Variants in SYNE2 observed in about 807,000 individuals in gnomAD.
The protein encoded by SYNE2 is spectrin repeat containing nuclear envelope protein 2.
A neutral mutation model predicts 856.3 loss-of-function variants in SYNE2; 431 were observed. The observed-to-expected ratio is 0.50, with a 90% CI of 0.47 to 0.55. The LOEUF (loss-of-function observed/expected upper bound fraction) is 0.55. SYNE2 is among the 20% of genes least tolerant of loss of function. The pLI, the probability that SYNE2 is intolerant of heterozygous loss-of-function variation, is 0.00. For synonymous variants in SYNE2, 2,923 were observed against 2,872.3 expected (o/e 1.02, Z -0.56); for missense variants, 8,129 against 8,023.2 (o/e 1.01, Z -0.50).
In SYNE2 at chr14:64,049,845, G is replaced by A. The variant is rs1202980751; in HGVS notation, c.7612G>A (p.Ala2538Thr). The A allele has an allele frequency of 6.2e-7, 1 of 1,613,980 alleles. No homozygotes were observed. The highest frequency in any genetic ancestry group is 8.5e-7 in the Non-Finnish European group (1 of 1,179,998). Residue 2538 changes from alanine (A) to threonine (T), a missense_variant, in exon 47 of 116, where the codon GCC becomes ACC. Around this residue, in one of 3 missense-constraint regions of SYNE2, gnomAD observed 5,410 missense variants for 5,284.8 expected, o/e 1.02. Transcript: ENST00000555002. ...YLAAVESSMK[A>T]LLTDKESLKV... ...TGCTGCAGTTGAATCTTCAATGAAA[G>A]CCTTGTTGACAGACAAGGAAAGTCT...
intron 2 of SYNE2, among the ~76,000 whole-genome samples, chr14:63,912,010 C>T (rs563839631): frequency 1.3e-5 from 2 of 152,174 alleles, no homozygotes; most frequent in South Asian, 2.1e-4. Context: ...TTAGAGGAAT[C>T]GTGGTGCTGG....
chr14:63,955,919 T>C (rs1374997086), intron 8 of SYNE2, among the ~76,000 whole-genome samples: 1 of 152,234 alleles, frequency 6.6e-6, no homozygotes, highest in African/African-American at 2.4e-5. Flanking sequence ...TTTATGTTAA[T>C]AAGTAAGTGT....
chr14:64,053,006 T>A lies in SYNE2; in HGVS notation c.9093T>A (p.Leu3031=). 6.2e-7 allele frequency: 1 copy of A among 1,611,576 alleles called. No homozygotes were observed. Residue 3031 remains leucine (L), a synonymous_variant, in exon 48 of 116, where the codon CTT becomes CTA. Transcript: ENST00000555002. ...AAGTATTTGAAAAAGAAAAGGAACT[T>A]GAAGAAAAAATTAAGCAGTTGGACA... is the stretch of plus-strand genomic sequence containing the variant. ...QTQVFEKEKE[L]EEKIKQLDTF...
intron 1 of SYNE2, among the ~76,000 whole-genome samples, chr14:63,763,766 G>T (rs1329743325): frequency 1.3e-5 from 2 of 152,132 alleles, no homozygotes; most frequent in African/African-American, 4.8e-5. Flanking sequence ...CCAGGCTCAA[G>T]TAATTCTCCC....
intron 1 of SYNE2, among the ~76,000 whole-genome samples, chr14:63,814,555 A>T (rs1404342182): frequency 7.2e-6 from 1 of 139,412 alleles, no homozygotes; most frequent in African/African-American, 2.6e-5. Flanking sequence ...TATCCATTAT[A>T]TATAATATAT....
chr14:64,221,605 G>T lies in SYNE2; in HGVS notation c.20091G>T (p.Leu6697=), dbSNP rs776526339. The change falls in exon 112 of 116, where the codon CTG becomes CTT. Residue 6697 remains leucine (L), a synonymous_variant. Transcript: ENST00000555002. ...TCCACCAGTTGAGTCAAAATCTGCTGCTGTGGTTAGCGAGTGCCAAGAACC... is the reference window on the plus strand; with the variant it reads ...TCCACCAGTTGAGTCAAAATCTGCTTCTGTGGTTAGCGAGTGCCAAGAACC... ...QDFHQLSQNL[L]LWLASAKNRR... is the part of the protein sequence containing the mutation. The T allele has an allele frequency of 2.5e-6, 4 of 1,614,158 alleles. No homozygotes were observed. The South Asian group carries it at 3.3e-5, about 13-fold the overall frequency.
intron 30 of SYNE2, among the ~76,000 whole-genome samples, chr14:64,006,397 T>C (rs2153511797): frequency 6.6e-6 from 1 of 152,304 alleles, no homozygotes; most frequent in Admixed American, 6.5e-5. Flanking sequence ...TCCCCCTACA[T>C]AAGCACACGT....
chr14:64,031,718 T>C (rs745854330), intron 45 of SYNE2, among the ~76,000 whole-genome samples: 16 of 152,244 alleles, frequency 1.1e-4, no homozygotes, highest in Non-Finnish European at 2.1e-4. Context: ...TCCCAATTTT[T>C]GGGGGGTTGA....
chr14:63,950,351 C>T (rs1366124531), intron 7 of SYNE2, among the ~76,000 whole-genome samples: 2 of 151,924 alleles, frequency 1.3e-5, no homozygotes, highest in Non-Finnish European at 2.9e-5. Context: ...GTCAGGAGTT[C>T]GAGACCAGCC....
In SYNE2 at chr14:63,998,312, A is replaced by G. The variant is rs1236695717; in HGVS notation, c.3337A>G (p.Asn1113Asp). The stretch of plus-strand genomic sequence containing the variant: ...GGAAAAGGATTACAGTGCATCTATA[A>G]ATAGTTTACTAGAGAGGTAAACTCT... ...IMEKDYSASI[N>D]SLLERYDTYR... The change falls in exon 26 of 116, where the codon AAT becomes GAT. Residue 1113 changes from asparagine to aspartate, a missense_variant. By Grantham distance (23) the Asn-to-Asp change is conservative (BLOSUM62 1). This residue lies in a region of SYNE2 where 2,422 missense variants were observed against 2,357.4 expected (regional missense o/e 1.03). Transcript: ENST00000555002. 1 of 1,609,990 alleles carries G rather than the reference A, an allele frequency of 6.2e-7. No homozygotes were observed. The highest frequency in any genetic ancestry group is 8.5e-7 in the Non-Finnish European group (1 of 1,176,388).
At chr14:64,127,019 G>T (rs2097953190) in intron 73 of SYNE2, among the ~76,000 whole-genome samples, 1 of 152,174 alleles carries the variant, frequency 6.6e-6, no homozygotes, top group African/African-American at 2.4e-5. Context: ...AGCACTTTGG[G>T]AGAGGCCAAG....
intron 1 of SYNE2, among the ~76,000 whole-genome samples, chr14:63,774,948 ATTTAAT>A (rs1330191398): frequency 1.3e-5 from 2 of 151,966 alleles, no homozygotes; most frequent in African/African-American, 2.4e-5. Context: ...CAGTATTTTA[ATTTAAT>A]TTTATTTATT....
chr14:64,189,733 G>A (rs1023625127), intron 98 of SYNE2, among the ~76,000 whole-genome samples: 4 of 152,150 alleles, frequency 2.6e-5, no homozygotes, highest in Admixed American at 6.5e-5. Flanking sequence ...GTGCAGTGGC[G>A]AGATCATAGC....
intron 31 of SYNE2, among the ~76,000 whole-genome samples, chr14:64,007,566 T>A (rs1194691588): frequency 6.6e-6 from 1 of 152,202 alleles, no homozygotes; most frequent in African/African-American, 2.4e-5. Flanking sequence ...TATTACCTTA[T>A]GCTTCTGGAG....
intron 85 of SYNE2, 152 bp downstream of exon 85, chr14:64,152,868 TC>T: frequency 9.9e-7 from 1 of 1,012,260 alleles, no homozygotes; most frequent in Admixed American, 2.2e-5. Flanking sequence ...TAGAAGCATT[TC>T]AAGTCCCATT....
At chr14:64,145,284 T>TC (rs1196897022) in intron 83 of SYNE2, among the ~76,000 whole-genome samples, 2 of 151,704 alleles carry the variant, frequency 1.3e-5, no homozygotes, top group East Asian at 4.0e-4. Context: ...ATGCCTGTAA[T>TC]CCCAGCACTT....
At chr14:64,061,201 C>T (rs770906430) in intron 49 of SYNE2, among the ~76,000 whole-genome samples, 19 of 152,160 alleles carry the variant, frequency 1.2e-4, no homozygotes, top group Non-Finnish European at 2.8e-4. Flanking sequence ...TCTATTCAGC[C>T]ATCTTGCTCC....
chr14:64,183,492 C>A (rs1489561032), intron 96 of SYNE2, among the ~76,000 whole-genome samples: 17 of 152,284 alleles, frequency 1.1e-4, no homozygotes, highest in South Asian at 8.3e-4. Context: ...GGCAGAGACG[C>A]TCCTCACTTC....
At position 63,867,851 on chromosome 14, in the gene SYNE2, A is replaced by T. The variant is rs115714846; in HGVS notation, c.-52+14708A>T. ...GGCAGGAGGATCACTTAAATCTGGG[A>T]GTTCAAAACCCACCTGGACAATATA... On this transcript the variant is annotated intron_variant, in intron 1 of 115. Coordinates refer to ENST00000555002, the MANE Select transcript of SYNE2 (RefSeq NM_182914.3). Among the ~76,000 whole-genome samples the T allele has an allele frequency of 1.0e-3, 155 of 152,256 alleles. 1 individual carries two copies. The highest frequency in any genetic ancestry group is 3.6e-3 in the African/African-American group (148 of 41,558).
Sources: gnomAD v4.1 joint callset for allele counts (sites outside exome capture counted in the v4.1 genomes callset) on GRCh38, gnomAD v4.1.1 for gene constraint, gnomAD v4.1.1 regional missense constraint, MANE v1.5 for transcripts, NCBI Gene and HGNC (gene_info 2026-07-23, HGNC 2026-07-21) for gene names.